The following MEMO1 variants were observed in gnomAD, a reference collection of about 807,000 sequenced individuals.
MEMO1 encodes mediator of cell motility 1, also known as protein MEMO1.
A neutral mutation model predicts 45.2 loss-of-function variants in MEMO1; 6 were observed. The observed-to-expected ratio is 0.13, with a 90% CI of 0.07 to 0.26. The LOEUF (loss-of-function observed/expected upper bound fraction) is 0.26. Among genes scored for constraint, MEMO1 ranks in the 10% least tolerant of loss-of-function variants. The pLI is 1.00. For missense variants in MEMO1, 184 were observed against 370.5 expected, an observed-to-expected ratio of 0.50 and a Z score of 4.13; for synonymous variants, 78 against 124.3, an observed-to-expected ratio of 0.63 and a Z score of 2.48.
intron 2 of MEMO1, among the ~76,000 whole-genome samples, chr2:32,005,394 A>G (rs1209383680): frequency 2.9e-5 from 3 of 103,194 alleles, no homozygotes; most frequent in Non-Finnish European, 6.1e-5. Context: ...AAAACAGACA[A>G]AATTTTTCTG....
intron 7 of MEMO1, among the ~76,000 whole-genome samples, chr2:31,883,854 C>T (rs552699441): frequency 3.0e-4 from 45 of 151,576 alleles, no homozygotes; most frequent in African/African-American, 1.0e-3. Flanking sequence ...TAACAAATCA[C>T]TAAAAGCCTT....
intron 2 of MEMO1, among the ~76,000 whole-genome samples, chr2:31,992,286 T>C (rs549839799): frequency 6.6e-6 from 1 of 152,340 alleles, no homozygotes; most frequent in Non-Finnish European, 1.5e-5. Flanking sequence ...TTCACTTACA[T>C]ATTAACTATA....
In MEMO1 at chr2:31,971,404, T is replaced by C. The variant is rs1403811427; in HGVS notation, c.62-28021A>G. On this transcript the variant is annotated intron_variant, in intron 2 of 9. Coordinates refer to ENST00000404530, the MANE Select transcript of MEMO1 (RefSeq NM_001301833.4). Reference sequence around the variant, plus strand: ...CTAGGACTACAGGCTTGCATCACCATGCCCAGATGATTTGTTTTTAATTTT... The same window carrying C: ...CTAGGACTACAGGCTTGCATCACCACGCCCAGATGATTTGTTTTTAATTTT... 3.3e-5 allele frequency among the ~76,000 whole-genome samples: 5 copies of C among 152,070 alleles called. No homozygotes were observed. In the South Asian group the frequency reaches 1.0e-3, roughly 31 times the overall value.
intron 2 of MEMO1, among the ~76,000 whole-genome samples, chr2:31,988,401 G>C (rs1671532527): frequency 6.6e-6 from 1 of 152,040 alleles, no homozygotes; most frequent in African/African-American, 2.4e-5. Context: ...ACAGAAATTA[G>C]CTGGGCGTGG....
intron 2 of MEMO1, among the ~76,000 whole-genome samples, chr2:32,000,316 G>A (rs534887625): frequency 1.5e-4 from 23 of 151,310 alleles, no homozygotes; most frequent in African/African-American, 5.6e-4. Context: ...TGCAAGCTCC[G>A]CCTCCTGGGT....
chr2:31,948,226 G>C (rs1293794438), intron 2 of MEMO1, among the ~76,000 whole-genome samples: 1 of 151,982 alleles, frequency 6.6e-6, no homozygotes, highest in Non-Finnish European at 1.5e-5. Context: ...ATCTATTTTA[G>C]ATACCAGGAC....
At chr2:31,907,937 A>T (rs1194412690) in intron 6 of MEMO1, among the ~76,000 whole-genome samples, 1 of 152,200 alleles carries the variant, frequency 6.6e-6, no homozygotes, top group East Asian at 1.9e-4. Flanking sequence ...CATTATTCTT[A>T]ATCTGTGGTT....
In MEMO1 at chr2:31,986,121, G is replaced by A. The variant is rs138307221; in HGVS notation, c.61+24066C>T. On this transcript the variant is annotated intron_variant, in intron 2 of 9. Coordinates refer to ENST00000404530, the MANE Select transcript of MEMO1 (RefSeq NM_001301833.4). The stretch of plus-strand genomic sequence containing the variant: ...ATTTAAATATAACTGTTGGCCAGCC[G>A]CGGTGGCTCACGTCTGTAATCCCAG... Among the ~76,000 whole-genome samples, 575 of 152,080 alleles carry A rather than the reference G, an allele frequency of 3.8e-3. 4 individuals carry two copies. The highest frequency in any genetic ancestry group is 0.012 in the African/African-American group (517 of 41,492).
chr2:31,896,866 G>C (rs1677905437), intron 6 of MEMO1, among the ~76,000 whole-genome samples: 1 of 152,154 alleles, frequency 6.6e-6, no homozygotes, highest in Non-Finnish European at 1.5e-5. Context: ...TTTCACAAAA[G>C]AAGATATACA....
At chr2:31,872,976 A>G (rs1674010971) in intron 8 of MEMO1, among the ~76,000 whole-genome samples, 1 of 152,192 alleles carries the variant, frequency 6.6e-6, no homozygotes, top group Admixed American at 6.5e-5. Flanking sequence ...AGATATACCT[A>G]TGTTTTTATG....
intron 3 of MEMO1, among the ~76,000 whole-genome samples, chr2:31,935,068 T>C (rs1235891619): frequency 1.3e-5 from 2 of 152,206 alleles, no homozygotes; most frequent in African/African-American, 2.4e-5. Flanking sequence ...TATTAAATCA[T>C]GTAATCCCCA....
chr2:31,891,473 G>A (rs1252312614), intron 7 of MEMO1, among the ~76,000 whole-genome samples: 2 of 151,768 alleles, frequency 1.3e-5, no homozygotes, highest in African/African-American at 4.8e-5. Context: ...GATGACCACA[G>A]TGCTTAATAG....
At chr2:31,933,073 C>CT (rs961948172) in intron 3 of MEMO1, among the ~76,000 whole-genome samples, 1 of 151,128 alleles carries the variant, frequency 6.6e-6, no homozygotes, top group South Asian at 2.1e-4. Flanking sequence ...AATAACTATA[C>CT]TTTTTTTTAA....
intron 6 of MEMO1, among the ~76,000 whole-genome samples, chr2:31,903,425 TG>T (rs879538624): frequency 2.4e-4 from 11 of 46,270 alleles, no homozygotes; most frequent in East Asian, 8.2e-4. Flanking sequence ...AACAGGGGGG[TG>T]GGGGGGGACA....
intron 5 of MEMO1, among the ~76,000 whole-genome samples, chr2:31,920,047 TGGGAAGGTA>T: frequency 6.6e-6 from 1 of 152,020 alleles, no homozygotes; most frequent in East Asian, 1.9e-4. Context: ...TGGTTACTTC[TGGGAAGGTA>T]AATTGGGTTC....
chr2:31,945,732 T>A (rs771493110), intron 2 of MEMO1, among the ~76,000 whole-genome samples: 4 of 152,204 alleles, frequency 2.6e-5, no homozygotes, highest in Non-Finnish European at 1.5e-5. Context: ...GGTGCCTAAC[T>A]TTGGCAGGCC....
chr2:31,896,065 G>A (rs977259286), intron 6 of MEMO1, among the ~76,000 whole-genome samples: 6 of 151,500 alleles, frequency 4.0e-5, no homozygotes, highest in African/African-American at 1.5e-4. Flanking sequence ...GGATGGTCTC[G>A]ATCTCCTGAC....
chr2:31,888,258 C>A (rs774466160), intron 7 of MEMO1, among the ~76,000 whole-genome samples: 1 of 151,956 alleles, frequency 6.6e-6, no homozygotes, highest in Non-Finnish European at 1.5e-5. Context: ...GCCTCAGCCT[C>A]CCACATAGCT....
intron 2 of MEMO1, among the ~76,000 whole-genome samples, chr2:31,979,607 A>G (rs1370060209): frequency 6.6e-6 from 1 of 152,194 alleles, no homozygotes; most frequent in African/African-American, 2.4e-5. Flanking sequence ...TGAACTATAC[A>G]TTTAAAAATG....
Sources: allele counts gnomAD v4.1 joint callset (sites outside exome capture counted in the v4.1 genomes callset), GRCh38; gene constraint gnomAD v4.1.1; transcripts MANE v1.5; gene names NCBI Gene and HGNC (gene_info 2026-07-23, HGNC 2026-07-21).